TNKS: variants seen among roughly 807,000 people sequenced by gnomAD.
The protein encoded by TNKS is poly [ADP-ribose] polymerase tankyrase-1.
A neutral mutation model predicts 135.8 loss-of-function variants in TNKS; 72 were observed. The ratio of observed to expected loss-of-function variants is 0.53; its 90% CI spans 0.44 to 0.64. The LOEUF (loss-of-function observed/expected upper bound fraction) is 0.64. TNKS is among the 30% of genes least tolerant of loss of function. The probability of loss-of-function intolerance (pLI) is 0.00; values close to 1 mark genes in which losing one functional copy is unlikely to be tolerated. For synonymous variants in TNKS, 849 were observed against 649.3 expected, an observed-to-expected ratio of 1.31 and a Z score of -4.68; for missense variants, 1,769 against 1,674.0, an observed-to-expected ratio of 1.06 and a Z score of -0.99.
intron 2 of TNKS, among the ~76,000 whole-genome samples, chr8:9,614,838 G>T (rs1244260127): frequency 6.6e-6 from 1 of 152,014 alleles, no homozygotes; most frequent in Non-Finnish European, 1.5e-5. Flanking sequence ...AATATATCTG[G>T]ATTTTACTTA....
Position 9,703,193 on chromosome 8 carries a change from A to G in TNKS, c.1108-1470A>G, listed in dbSNP as rs577005254. Among the ~76,000 whole-genome samples the G allele has an allele frequency of 9.2e-5, 14 of 152,268 alleles. No homozygotes were observed. In the East Asian group the frequency reaches 1.9e-3, roughly 21 times the overall value. On this transcript the variant is annotated intron_variant, in intron 5 of 26. Transcript: ENST00000310430. ...ATCTCATAACTGAGATGGCTACTTA[A>G]TTTGTAGCATCTTCAGTGTGGATAT...
At chr8:9,580,459 C>T in intron 2 of TNKS, 76 bp downstream of exon 2, 2 of 1,330,562 alleles carry the variant, frequency 1.5e-6, no homozygotes, top group South Asian at 1.3e-5. Flanking sequence ...AATAGTGTTT[C>T]CTGAGAATAG....
At chr8:9,602,499 AT>A (rs1237753916) in intron 2 of TNKS, among the ~76,000 whole-genome samples, 3 of 152,326 alleles carry the variant, frequency 2.0e-5, no homozygotes, top group African/African-American at 7.2e-5. Flanking sequence ...ATCACAAGGC[AT>A]TGAGCCACCA....
At chr8:9,716,730 C>G (rs1804619976) in intron 11 of TNKS, among the ~76,000 whole-genome samples, 1 of 151,792 alleles carries the variant, frequency 6.6e-6, no homozygotes, top group African/African-American at 2.4e-5. Context: ...TTCTCTTTCT[C>G]TGAGGTTTCT....
rs184102996 is a variant in TNKS at position 9,777,815 on chromosome 8, T to C, written c.*1079T>C. ...CTGCACTTGATGAGGGTCACAAAAA[T>C]ACCACTTGATTGTTTCTTTAGTTGA... On this transcript the variant is annotated 3_prime_UTR_variant, in exon 27 of 27. Transcript: ENST00000310430. 5 of 152,410 alleles carry C rather than the reference T, an allele frequency of 3.3e-5. No homozygotes were observed. The highest frequency in any genetic ancestry group is 1.5e-5 in the Non-Finnish European group (1 of 68,008). The allele number at this position is 152,410 out of a possible 1,614,324, so 9.4% of individuals were successfully genotyped here.
intron 1 of TNKS, among the ~76,000 whole-genome samples, chr8:9,562,706 T>C (rs1264941316): frequency 3.9e-5 from 6 of 152,176 alleles, no homozygotes; most frequent in Non-Finnish European, 8.8e-5. Flanking sequence ...CTCTTCTATG[T>C]TGCATCTGGC....
intron 1 of TNKS, among the ~76,000 whole-genome samples, chr8:9,576,459 C>A (rs967483565): frequency 2.6e-5 from 4 of 151,246 alleles, no homozygotes; most frequent in Non-Finnish European, 5.9e-5. Flanking sequence ...GGTGCCACCA[C>A]CCCCCTCTTT....
chr8:9,766,360 T>C lies in TNKS; in HGVS notation c.3675T>C (p.Val1225=). Residue 1225 remains valine, a synonymous_variant, in exon 25 of 27, where the codon GTT becomes GTC. Transcript: ENST00000310430. ...AENSSKSNQY[V]YGIGGGTGCP... ...ACTCCTCAAAAAGCAACCAATATGT[T>C]TATGGAATTGGAGGAGGAACAGGCT... The C allele has an allele frequency of 6.2e-7, 1 of 1,613,884 alleles. No individual in the cohort carries two copies. Among genetic ancestry groups the C allele is most frequent in the Non-Finnish European group, 8.5e-7 (1 of 1,179,882 alleles).
In TNKS at chr8:9,776,639, G is replaced by T; in HGVS notation, c.3898-11G>T. On this transcript the variant is annotated splice_polypyrimidine_tract_variant and intron_variant, in intron 26 of 26. Transcript: ENST00000310430. ...AGAAGGGTGATTTGTTTTTCTTCTT[G>T]TCCTTCCCAGGCATACCCAGAGTAT... The T allele has an allele frequency of 6.2e-7, 1 of 1,613,374 alleles. No homozygotes were observed. The highest frequency in any genetic ancestry group is 8.5e-7 in the Non-Finnish European group (1 of 1,179,468).
intron 12 of TNKS, among the ~76,000 whole-genome samples, chr8:9,723,960 T>C (rs1403306003): frequency 2.0e-5 from 3 of 152,204 alleles, no homozygotes; most frequent in Non-Finnish European, 2.9e-5. Flanking sequence ...CAGTGGCACA[T>C]TGAAATAAGC....
chr8:9,672,700 ACAC>A (rs1802344836), intron 3 of TNKS, among the ~76,000 whole-genome samples: 2 of 125,964 alleles, frequency 1.6e-5, no homozygotes, highest in African/African-American at 5.8e-5. Context: ...ACACACACAC[ACAC>A]ACACACACAA....
At chr8:9,730,602 T>G (rs4626604) in intron 13 of TNKS, among the ~76,000 whole-genome samples, 105,928 of 150,872 alleles carry the variant, frequency 0.7, 37,566 homozygotes, top group Admixed American at 0.8. Context: ...CAAGGCATTA[T>G]TTGCTTTGGA....
intron 3 of TNKS, among the ~76,000 whole-genome samples, chr8:9,624,494 T>C (rs1470541572): frequency 6.6e-6 from 1 of 152,204 alleles, no homozygotes; most frequent in African/African-American, 2.4e-5. Context: ...TTGTACCCTT[T>C]TCCTAGTTTC....
At chr8:9,688,849 C>T (rs952116518) in intron 5 of TNKS, among the ~76,000 whole-genome samples, 16 of 152,142 alleles carry the variant, frequency 1.1e-4, no homozygotes, top group African/African-American at 3.9e-4. Flanking sequence ...CTATGTTGGT[C>T]AAGCTGGGCT....
rs551354331 is a variant in TNKS, at chr8:9,711,839, G to A, written c.1749+1619G>A. ...CTTTTCTGTGATTTTGCTGAAAAAT[G>A]ATATAAATGAATCACCCAGCCGTCA... is the stretch of plus-strand genomic sequence containing the variant. On this transcript the variant is annotated intron_variant, in intron 11 of 26. Transcript: ENST00000310430. Among the ~76,000 whole-genome samples the A allele has an allele frequency of 2.0e-5, 3 of 152,234 alleles. No homozygotes were observed. The South Asian group carries it at 6.2e-4, about 32-fold the overall frequency.
At chr8:9,760,967 A>G (rs1807119581) in intron 20 of TNKS, among the ~76,000 whole-genome samples, 1 of 152,212 alleles carries the variant, frequency 6.6e-6, no homozygotes, top group African/African-American at 2.4e-5. Flanking sequence ...AATCTAACCA[A>G]ATACTTGAGA....
intron 9 of TNKS, among the ~76,000 whole-genome samples, chr8:9,708,799 AT>A (rs931904834): frequency 1.5e-4 from 22 of 151,588 alleles, no homozygotes; most frequent in Middle Eastern, 3.4e-3. Context: ...TTTCAATAGA[AT>A]TTTTTTTTCT....
At chr8:9,696,182 T>G (rs768498632) in intron 5 of TNKS, among the ~76,000 whole-genome samples, 2 of 152,110 alleles carry the variant, frequency 1.3e-5, no homozygotes, top group Non-Finnish European at 2.9e-5. Context: ...AGGAATGAGT[T>G]AGACAATGTA....
At chr8:9,632,919 T>G (rs997216218) in intron 3 of TNKS, among the ~76,000 whole-genome samples, 2 of 151,994 alleles carry the variant, frequency 1.3e-5, no homozygotes, top group Non-Finnish European at 2.9e-5. Flanking sequence ...TTAGTAGAGA[T>G]GGGGTTTCAC....
Sources: allele counts gnomAD v4.1 joint callset (sites outside exome capture counted in the v4.1 genomes callset), GRCh38; gene constraint gnomAD v4.1.1; transcripts MANE v1.5; gene names NCBI Gene and HGNC (gene_info 2026-07-23, HGNC 2026-07-21).